Variants in RGS6 observed in about 807,000 individuals in gnomAD.
The protein encoded by RGS6 is regulator of G protein signaling 6, also known as regulator of G-protein signaling 6.
Under a neutral mutation model 78.5 loss-of-function variants are expected in RGS6, and 30 were observed. The observed-to-expected ratio is 0.38, with a 90% confidence interval of 0.29 to 0.52. RGS6 has a LOEUF of 0.52. RGS6 is among the 20% of genes least tolerant of loss of function. The pLI is 0.85. For synonymous variants in RGS6, 206 were observed against 206.0 expected (o/e 1.00, Z 0.00); for missense variants, 495 against 609.7 (o/e 0.81, Z 1.98).
At chr14:72,067,266 A>C (rs1457637180) in intron 2 of RGS6, among the ~76,000 whole-genome samples, 1 of 152,166 alleles carries the variant, frequency 6.6e-6, no homozygotes. Flanking sequence ...AACAATGAGA[A>C]CACGTGGATG....
At chr14:72,359,301 C>T (rs967261645) in intron 3 of RGS6, among the ~76,000 whole-genome samples, 2 of 151,782 alleles carry the variant, frequency 1.3e-5, no homozygotes, top group Non-Finnish European at 2.9e-5. Context: ...CCATGATCCA[C>T]ACTTTTTGGC....
intron 3 of RGS6, among the ~76,000 whole-genome samples, chr14:72,358,290 C>T (rs1430298072): frequency 1.3e-5 from 2 of 152,208 alleles, no homozygotes; most frequent in Non-Finnish European, 2.9e-5. Context: ...CCCACTGGGG[C>T]ACTGCCTAGA....
At chr14:72,608,449 T>C in the RGS6 span, among the ~76,000 whole-genome samples, 1 of 152,052 alleles carries the variant, frequency 6.6e-6, no homozygotes, top group Admixed American at 6.5e-5. Context: ...ACTCACTGCC[T>C]TCATGGAAGG....
intron 2 of RGS6, among the ~76,000 whole-genome samples, chr14:72,117,134 C>G (rs1034705223): frequency 1.3e-5 from 2 of 152,040 alleles, no homozygotes; most frequent in African/African-American, 4.8e-5. Context: ...GAGCCAGTGC[C>G]CAGGTCCTGG....
intron 2 of RGS6, among the ~76,000 whole-genome samples, chr14:72,176,825 G>C (rs1236252538): frequency 6.6e-6 from 1 of 152,076 alleles, no homozygotes; most frequent in African/African-American, 2.4e-5. Flanking sequence ...GCACACACAC[G>C]CTCGCCCATG....
chr14:72,118,855 TGAAA>T (rs2095975562), intron 2 of RGS6, among the ~76,000 whole-genome samples: 1 of 152,214 alleles, frequency 6.6e-6, no homozygotes, highest in Admixed American at 6.5e-5. Context: ...GTTTTGGTGT[TGAAA>T]GAGTTATTTA....
At chr14:72,302,624 A>C (rs2066329596) in intron 2 of RGS6, among the ~76,000 whole-genome samples, 1 of 152,210 alleles carries the variant, frequency 6.6e-6, no homozygotes, top group South Asian at 2.1e-4. Context: ...AAGCAATCAG[A>C]ATTTGAAAAT....
At chr14:71,949,515 CTT>C (rs2092034200) in intron 1 of RGS6, among the ~76,000 whole-genome samples, 1 of 152,008 alleles carries the variant, frequency 6.6e-6, no homozygotes, top group East Asian at 1.9e-4. Context: ...GATTTTTAAT[CTT>C]TTTCTCATTG....
At chr14:72,376,825 C>T (rs1349715462) in intron 3 of RGS6, among the ~76,000 whole-genome samples, 2 of 152,132 alleles carry the variant, frequency 1.3e-5, no homozygotes, top group African/African-American at 2.4e-5. Flanking sequence ...TTACAAGAAA[C>T]GCTTAAGAGA....
Position 72,518,332 on chromosome 14 carries a change from GT to G in RGS6, c.1092-16del, listed in dbSNP as rs768495486. 1 of 1,610,062 alleles carries G rather than the reference GT, an allele frequency of 6.2e-7. No homozygotes were observed. The highest frequency in any genetic ancestry group is 8.5e-7 in the Non-Finnish European group (1 of 1,177,328). ...TGCTGAGCCCCCTGGAACTGACTGT[GT>G]TTCTGCTCCCACTTCAGGTTCTGGC... is the stretch of plus-strand genomic sequence containing the variant. On this transcript the variant is annotated intron_variant, in intron 14 of 17. Transcript: ENST00000553525.
intron 10 of RGS6, 69 bp from the exon 11 acceptor site, chr14:72,476,673 C>A (rs2096249405): frequency 1.6e-6 from 2 of 1,248,064 alleles, no homozygotes; most frequent in East Asian, 2.3e-5. Flanking sequence ...AGTCATTGGA[C>A]TAGCTGACCC....
At chr14:72,378,555 T>G (rs7151325) in intron 3 of RGS6, among the ~76,000 whole-genome samples, 1 of 151,758 alleles carries the variant, frequency 6.6e-6, no homozygotes, top group African/African-American at 2.4e-5. Flanking sequence ...CGTTAGAGAC[T>G]ATAATGAACA....
the RGS6 span, among the ~76,000 whole-genome samples, chr14:71,891,969 C>T: frequency 1.3e-5 from 2 of 152,088 alleles, no homozygotes; most frequent in African/African-American, 4.8e-5. Context: ...GAATGTCTGT[C>T]ATGAAATGTT....
chr14:72,130,544 A>G (rs889950868), intron 2 of RGS6, among the ~76,000 whole-genome samples: 1 of 152,214 alleles, frequency 6.6e-6, no homozygotes, highest in Admixed American at 6.5e-5. Context: ...ATTATGAACA[A>G]CAAAAGATGT....
the RGS6 span, among the ~76,000 whole-genome samples, chr14:71,893,673 G>C: frequency 6.6e-6 from 1 of 152,266 alleles, no homozygotes; most frequent in African/African-American, 2.4e-5. Flanking sequence ...GGGAAGAGCT[G>C]TACATATTTA....
At chr14:72,561,859 C>T (rs949781044) in intron 17 of RGS6, among the ~76,000 whole-genome samples, 1 of 152,190 alleles carries the variant, frequency 6.6e-6, no homozygotes, top group Non-Finnish European at 1.5e-5. Flanking sequence ...GCAAATGCCC[C>T]CCACTTTCAT....
At chr14:72,103,027 A>G (rs1794630666) in intron 2 of RGS6, among the ~76,000 whole-genome samples, 1 of 152,212 alleles carries the variant, frequency 6.6e-6, no homozygotes. Flanking sequence ...AGAGTTAAAC[A>G]TTGTGTACAA....
At chr14:72,530,750 A>ACC in intron 15 of RGS6, among the ~76,000 whole-genome samples, 1 of 152,172 alleles carries the variant, frequency 6.6e-6, no homozygotes, top group East Asian at 1.9e-4. Context: ...GACCAATGAT[A>ACC]CCCCTCAGCC....
intron 13 of RGS6, among the ~76,000 whole-genome samples, chr14:72,499,141 C>T (rs527325596): frequency 6.0e-4 from 92 of 152,284 alleles, no homozygotes; most frequent in African/African-American, 2.0e-3. Context: ...CAAGTCGACT[C>T]TTCTCCCTCC....
Sources: gnomAD v4.1 joint callset for allele counts (sites outside exome capture counted in the v4.1 genomes callset) on GRCh38, gnomAD v4.1.1 for gene constraint, MANE v1.5 for transcripts, NCBI Gene and HGNC (gene_info 2026-07-23, HGNC 2026-07-21) for gene names.